The following SYNJ1 variants were observed in gnomAD, a reference collection of about 807,000 sequenced individuals.
SYNJ1 encodes the protein synaptojanin 1, also known as polyphosphatidylinositol phosphatase SYNJ1.
SYNJ1 carries 78 observed loss-of-function variants against 168.2 expected under a neutral mutation model. The ratio of observed to expected loss-of-function variants is 0.46; its 90% CI spans 0.39 to 0.56. SYNJ1 has a LOEUF of 0.56. SYNJ1 is among the 20% of genes least tolerant of loss of function. The pLI is 0.00. For synonymous variants in SYNJ1, 539 were observed against 548.6 expected, an observed-to-expected ratio of 0.98 and a Z score of 0.24; for missense variants, 1,303 against 1,597.6, an observed-to-expected ratio of 0.82 and a Z score of 3.14.
chr21:32,688,274 A>G, intron 7 of SYNJ1, 32 bp downstream of exon 7: 5 of 1,600,876 alleles, frequency 3.1e-6, no homozygotes, highest in Non-Finnish European at 4.3e-6. Flanking sequence ...AGCAATATCA[A>G]AACTTAAAGC....
chr21:32,649,652 A>T (rs551276174), intron 23 of SYNJ1, among the ~76,000 whole-genome samples: 6 of 152,386 alleles, frequency 3.9e-5, no homozygotes, highest in African/African-American at 1.4e-4. Flanking sequence ...ATAAGAATAT[A>T]AATTAACATT....
chr21:32,641,068 ATTG>A (rs2039813696), intron 29 of SYNJ1, among the ~76,000 whole-genome samples: 1 of 152,212 alleles, frequency 6.6e-6, no homozygotes, highest in South Asian at 2.1e-4. Flanking sequence ...GAACCTTCAG[ATTG>A]TTAAGTGGAC....
chr21:32,669,263 T>C (rs1047120320), intron 15 of SYNJ1, among the ~76,000 whole-genome samples: 5 of 152,216 alleles, frequency 3.3e-5, no homozygotes, highest in African/African-American at 7.2e-5. Context: ...ATTTAGGTTA[T>C]GTGGCATTTT....
At chr21:32,670,079 A>G (rs764745240) in intron 15 of SYNJ1, among the ~76,000 whole-genome samples, 26 of 152,224 alleles carry the variant, frequency 1.7e-4, no homozygotes, top group Non-Finnish European at 2.9e-4. Flanking sequence ...TATAAACAAC[A>G]TTAGCAAAAG....
rs2039283129 is a variant in SYNJ1, at chr21:32,630,676, C to T, written c.*1129G>A. 1 of 182,078 alleles carries T rather than the reference C, an allele frequency of 5.5e-6. No individual in the cohort carries two copies. The highest frequency in any genetic ancestry group is 1.2e-5 in the Non-Finnish European group (1 of 86,134). The allele number at this position is 182,078 out of a possible 1,614,324, so 11.3% of individuals were successfully genotyped here. A position where few individuals can be genotyped will look rare whatever the true frequency, so the allele number is the denominator to read the frequency against. ...AAATGTCAGCTGAAAGTTGGGTGGG[C>T]TTTTTGAGATTCTTCAGAAGACTGA... On this transcript the variant is annotated 3_prime_UTR_variant, in exon 33 of 33. Coordinates refer to ENST00000674351, the MANE Select transcript of SYNJ1 (RefSeq NM_203446.3).
rs200017303 is a variant in SYNJ1 at position 32,697,498 on chromosome 21, T to TA, written c.480-2217dup. ...CCCCCATCTCTACTCTTAAGTGAAT[T>TA]AAAAAAAAAAAAAAAGGAGGCCAAG... On this transcript the variant is annotated intron_variant, in intron 4 of 32. Transcript: ENST00000674351. Among the ~76,000 whole-genome samples the TA allele has an allele frequency of 2.5e-3, 366 of 143,688 alleles. 1 individual carries two copies. The highest frequency in any genetic ancestry group is 5.8e-3 in the African/African-American group (227 of 39,302). The allele number at this position is 143,688 out of a possible 152,430, so 94.3% of individuals were successfully genotyped here.
chr21:32,671,378 G>T (rs554524085), intron 14 of SYNJ1, among the ~76,000 whole-genome samples: 1 of 152,002 alleles, frequency 6.6e-6, no homozygotes, highest in East Asian at 1.9e-4. Context: ...ATTATTGACT[G>T]CTATTATGTG....
intron 3 of SYNJ1, among the ~76,000 whole-genome samples, chr21:32,700,674 C>A (rs183660610): frequency 1.3e-5 from 2 of 152,016 alleles, no homozygotes; most frequent in Non-Finnish European, 2.9e-5. Flanking sequence ...ACCACACGAA[C>A]AAACAAACAA....
intron 18 of SYNJ1, chr21:32,658,594 T>C (rs1935919507): frequency 6.6e-6 from 1 of 152,276 alleles, no homozygotes; most frequent in African/African-American, 2.4e-5. Flanking sequence ...ACTTAAGCCA[T>C]CTGCAGGCAG....
Position 32,645,739 on chromosome 21 carries a change from C to T in SYNJ1, c.3298G>A (p.Ala1100Thr), listed in dbSNP as rs868044397. Residue 1100 changes from alanine to threonine, a missense_variant, in exon 25 of 33, where the codon GCC (alanine) becomes ACC (threonine). Ala to Thr is a moderately conservative substitution (Grantham distance 58, BLOSUM62 0). Around this residue, in one of 2 missense-constraint regions of SYNJ1, gnomAD observed 383 missense variants for 388.8 expected, o/e 0.99. Coordinates refer to ENST00000674351, the MANE Select transcript of SYNJ1 (RefSeq NM_203446.3). The stretch of plus-strand genomic sequence containing the variant: ...GGCCGCTTGGGCTCCAAGGGCTGGG[C>T]GGGGTCTTTCTGCGGCAGCGGCGTT... ...PATPLPQKDP[A>T]QPLEPKRPPP... 3.4e-6 allele frequency: 5 copies of T among 1,466,484 alleles called. 1 individual carries two copies. The highest frequency in any genetic ancestry group is 5.4e-5 in the Admixed American group (2 of 37,196). The allele number at this position is 1,466,484 out of a possible 1,614,324, so 90.8% of individuals were successfully genotyped here. A position where few individuals can be genotyped will look rare whatever the true frequency, so the allele number is the denominator to read the frequency against.
chr21:32,645,025 A>G lies in SYNJ1; in HGVS notation c.3392-19T>C. 6.3e-7 allele frequency: 1 copy of G among 1,597,232 alleles called. No individual in the cohort carries two copies. The highest frequency in any genetic ancestry group is 1.2e-5 in the South Asian group (1 of 86,232). Reference sequence around the variant, plus strand: ...CTAGCCCCTTATAGTTCATAAGAAAATAGGCAGCAGAAAGGAAATGACATT... The same window carrying G: ...CTAGCCCCTTATAGTTCATAAGAAAGTAGGCAGCAGAAAGGAAATGACATT... On this transcript the variant is annotated intron_variant, in intron 25 of 32. Transcript: ENST00000674351.
At chr21:32,645,058 GA>G (rs762722669) in intron 25 of SYNJ1, 52 bp from the exon 26 acceptor site, 8 of 1,547,884 alleles carry the variant, frequency 5.2e-6, no homozygotes, top group Non-Finnish European at 6.1e-6. Context: ...ATTAAATACA[GA>G]AGTGAAATGT....
rs375719186 is a variant in SYNJ1 at position 32,726,927 on chromosome 21, C to T, written c.-22-10G>A. 9 of 1,613,062 alleles carry T rather than the reference C, an allele frequency of 5.6e-6. No homozygotes were observed. In the African/African-American group the frequency reaches 1.1e-4, roughly 19 times the overall value. ...TTCTTCGGAGGCAGCCCTGCGAAAA[C>T]CAAGCAAAGCAAAGCAAATGAAGCT... On this transcript the variant is annotated splice_polypyrimidine_tract_variant and intron_variant, in intron 1 of 32. Transcript: ENST00000674351.
intron 12 of SYNJ1, 121 bp downstream of exon 12, chr21:32,678,524 C>A: frequency 9.1e-7 from 1 of 1,104,824 alleles, no homozygotes; most frequent in Non-Finnish European, 1.2e-6. Flanking sequence ...CAAAAATTAC[C>A]TTTACAGAAA....
chr21:32,662,187 C>G (rs1268239971), intron 18 of SYNJ1, among the ~76,000 whole-genome samples: 2 of 152,170 alleles, frequency 1.3e-5, no homozygotes, highest in African/African-American at 2.4e-5. Context: ...AAGCCCTGCT[C>G]CAGTCACACC....
intron 6 of SYNJ1, among the ~76,000 whole-genome samples, chr21:32,693,338 T>A (rs1285725480): frequency 6.6e-6 from 1 of 152,172 alleles, no homozygotes; most frequent in Non-Finnish European, 1.5e-5. Flanking sequence ...ATAAAACAAG[T>A]CAAATCGTCT....
intron 14 of SYNJ1, among the ~76,000 whole-genome samples, chr21:32,672,029 A>G (rs1055211791): frequency 2.8e-5 from 4 of 141,018 alleles, no homozygotes; most frequent in East Asian, 2.3e-4. Context: ...ACTGCACTCC[A>G]GCCTGGGCAA....
chr21:32,646,114 C>T (rs2145779748), intron 24 of SYNJ1: 1 of 675,382 alleles, frequency 1.5e-6, no homozygotes. Flanking sequence ...GAAGAAAAAG[C>T]TCAAATAGTT....
At chr21:32,720,586 T>G (rs1302876856) in intron 2 of SYNJ1, among the ~76,000 whole-genome samples, 1 of 152,254 alleles carries the variant, frequency 6.6e-6, no homozygotes. Flanking sequence ...ATGGCCTTGC[T>G]ATTTATAAAA....
Sources: gnomAD v4.1 joint callset for allele counts (sites outside exome capture counted in the v4.1 genomes callset) on GRCh38, gnomAD v4.1.1 for gene constraint, gnomAD v4.1.1 regional missense constraint, MANE v1.5 for transcripts, NCBI Gene and HGNC (gene_info 2026-07-23, HGNC 2026-07-21) for gene names.